Variants in CCDC13 observed in about 807,000 individuals in gnomAD.
CCDC13 encodes the protein coiled-coil domain-containing protein 13.
A neutral mutation model predicts 87.3 loss-of-function variants in CCDC13; 70 were observed. The observed-to-expected ratio is 0.80, with a 90% CI of 0.66 to 0.98. The LOEUF is 0.98. Among genes scored for constraint, CCDC13 ranks in the 50% least tolerant of loss-of-function variants. The pLI is 0.00. For synonymous variants in CCDC13, 317 were observed against 360.3 expected (o/e 0.88, Z 1.36); for missense variants, 842 against 892.0 (o/e 0.94, Z 0.71).
intron 15 of CCDC13, 28 bp downstream of exon 15, chr3:42,709,656 C>A (rs748720049): frequency 6.3e-7 from 1 of 1,583,398 alleles, no homozygotes; most frequent in East Asian, 2.2e-5. Flanking sequence ...CAACCCTACC[C>A]TTTCAGGAAG....
At chr3:42,736,004 A>G in intron 9 of CCDC13, 91 bp from the exon 10 acceptor site, 1 of 1,235,952 alleles carries the variant, frequency 8.1e-7, no homozygotes, top group Non-Finnish European at 1.1e-6. Flanking sequence ...ACCCCAAAGC[A>G]GGCTGCAGGA....
intron 3 of CCDC13, among the ~76,000 whole-genome samples, chr3:42,754,784 A>G (rs1164410887): frequency 6.6e-6 from 1 of 152,200 alleles, no homozygotes; most frequent in Admixed American, 6.5e-5. Context: ...TTTCTAGTCC[A>G]AAGAGCAGGA....
chr3:42,723,170 G>T (rs181775994), intron 13 of CCDC13, among the ~76,000 whole-genome samples: 12 of 152,252 alleles, frequency 7.9e-5, no homozygotes, highest in African/African-American at 2.6e-4. Context: ...TCTTGCAGGA[G>T]ATCCAAGAAC....
intron 5 of CCDC13, among the ~76,000 whole-genome samples, chr3:42,749,106 G>T (rs978949204): frequency 1.3e-5 from 2 of 152,010 alleles, no homozygotes; most frequent in African/African-American, 4.8e-5. Context: ...CCTCCTGTCT[G>T]GCCGCCTGCC....
chr3:42,765,534 T>C (rs1559664708), intron 1 of CCDC13, among the ~76,000 whole-genome samples: 1 of 152,176 alleles, frequency 6.6e-6, no homozygotes, highest in Admixed American at 6.5e-5. Flanking sequence ...GCCTCCCGAG[T>C]AGCTGGGACT....
At chr3:42,770,898 G>A (rs1700066705) in intron 1 of CCDC13, 1 of 152,322 alleles carries the variant, frequency 6.6e-6, no homozygotes, top group Admixed American at 6.6e-5. Flanking sequence ...AACACATCTT[G>A]ACATCAGAAG....
intron 13 of CCDC13, among the ~76,000 whole-genome samples, chr3:42,723,952 A>C (rs1229078538): frequency 6.6e-6 from 1 of 152,216 alleles, no homozygotes; most frequent in African/African-American, 2.4e-5. Flanking sequence ...TAATTAAAAA[A>C]TTTACAACAA....
At chr3:42,717,294 TG>T (rs1346289960) in intron 13 of CCDC13, among the ~76,000 whole-genome samples, 1 of 151,712 alleles carries the variant, frequency 6.6e-6, no homozygotes, top group Admixed American at 6.6e-5. Context: ...GGCATGGTGG[TG>T]GGTGCTTGTA....
At chr3:42,739,354 T>C (rs1332150480) in intron 9 of CCDC13, among the ~76,000 whole-genome samples, 1 of 152,180 alleles carries the variant, frequency 6.6e-6, no homozygotes, top group Non-Finnish European at 1.5e-5. Flanking sequence ...CCCACCTCCT[T>C]CCCCCAATAC....
intron 3 of CCDC13, among the ~76,000 whole-genome samples, chr3:42,753,198 T>C (rs1308479874): frequency 3.3e-5 from 5 of 152,210 alleles, no homozygotes; most frequent in African/African-American, 1.2e-4. Context: ...TTAAATTCGC[T>C]GTGTTTGCTT....
At chr3:42,745,195 CCTT>C (rs1208273875) in intron 7 of CCDC13, 1 of 152,210 alleles carries the variant, frequency 6.6e-6, no homozygotes, top group Non-Finnish European at 1.5e-5. Context: ...AAGTCATACA[CCTT>C]CTCACATGTT....
chr3:42,710,773 C>T (rs1282403523), intron 14 of CCDC13, among the ~76,000 whole-genome samples: 1 of 152,202 alleles, frequency 6.6e-6, no homozygotes, highest in African/African-American at 2.4e-5. Flanking sequence ...GCTCTGCCCT[C>T]TACAGGGGCT....
downstream of CCDC13, among the ~76,000 whole-genome samples, chr3:42,705,534 T>A (rs1280678801): frequency 1.3e-5 from 2 of 152,040 alleles, no homozygotes; most frequent in African/African-American, 2.4e-5. Flanking sequence ...GGGAGAGCCC[T>A]CACTTGAGGC....
chr3:42,755,085 G>A (rs1485899051), intron 3 of CCDC13, among the ~76,000 whole-genome samples: 1 of 152,128 alleles, frequency 6.6e-6, no homozygotes, highest in Non-Finnish European at 1.5e-5. Flanking sequence ...AAAGGGAGAG[G>A]TAAAGGGACC....
In CCDC13 at chr3:42,705,832, G is replaced by T. The variant is rs573792995; in HGVS notation, c.*3148C>A. Among the ~76,000 whole-genome samples the T allele has an allele frequency of 6.6e-6, 1 of 152,278 alleles. No individual in the cohort carries two copies. Among genetic ancestry groups the T allele is most frequent in the African/African-American group, 2.4e-5 (1 of 41,560 alleles). On this transcript the variant is annotated 3_prime_UTR_variant, in exon 16 of 16. Coordinates refer to ENST00000310232, the MANE Select transcript of CCDC13 (RefSeq NM_144719.4). ...CAGGGTCCCTATCTTTGACCCCTTT[G>T]ATGACCTCCTTCCCTTGAAAATCCT...
chr3:42,773,116 C>T (rs993319896), intron 1 of CCDC13, 60 bp downstream of exon 1: 2 of 152,216 alleles, frequency 1.3e-5, no homozygotes, highest in African/African-American at 4.8e-5. Flanking sequence ...TTCCGCGCCC[C>T]CGGCAGCTGC....
chr3:42,713,947 T>C (rs1050425818), intron 13 of CCDC13: 1 of 152,204 alleles, frequency 6.6e-6, no homozygotes, highest in Non-Finnish European at 1.5e-5. Context: ...ATCTGGAGGT[T>C]CCGGGGGAAA....
At chr3:42,728,742 C>T (rs900994603) in intron 13 of CCDC13, among the ~76,000 whole-genome samples, 1 of 152,146 alleles carries the variant, frequency 6.6e-6, no homozygotes, top group Non-Finnish European at 1.5e-5. Flanking sequence ...GGAAAAAAGG[C>T]AACAGGTGTT....
intron 1 of CCDC13, among the ~76,000 whole-genome samples, chr3:42,767,191 A>T (rs1204826256): frequency 6.6e-6 from 1 of 152,164 alleles, no homozygotes; most frequent in East Asian, 1.9e-4. Context: ...GAACAAAAAA[A>T]CTCCTGGAAC....
Sources: gnomAD v4.1 joint callset for allele counts (sites outside exome capture counted in the v4.1 genomes callset) on GRCh38, gnomAD v4.1.1 for gene constraint, MANE v1.5 for transcripts, NCBI Gene and HGNC (gene_info 2026-07-23, HGNC 2026-07-21) for gene names.